SPTAN1: variants seen among roughly 807,000 people sequenced by gnomAD.
The protein encoded by SPTAN1 is spectrin alpha chain, non-erythrocytic 1.
Under a neutral mutation model 331.3 loss-of-function variants are expected in SPTAN1, and 61 were observed. That is an observed-to-expected ratio of 0.18 (90% CI 0.15 to 0.23). SPTAN1 has a LOEUF of 0.23. SPTAN1 is among the 10% of genes least tolerant of loss of function. The probability of loss-of-function intolerance (pLI) is 1.00; values close to 1 mark genes in which losing one functional copy is unlikely to be tolerated. For synonymous variants in SPTAN1, 1,153 were observed against 1,173.9 expected (o/e 0.98, Z 0.36); for missense variants, 2,043 against 3,147.9 (o/e 0.65, Z 8.40).
intron 3 of SPTAN1, 110 bp downstream of exon 3, chr9:128,569,007 A>T (rs1850358291): frequency 6.8e-7 from 1 of 1,480,230 alleles, no homozygotes; most frequent in Non-Finnish European, 9.3e-7. Flanking sequence ...TCCAGCTTTT[A>T]AAAGAATTTA....
rs1289353543 is a variant in SPTAN1 at position 128,633,628 on chromosome 9, A to T, written c.*294A>T. On this transcript the variant is annotated 3_prime_UTR_variant, in exon 57 of 57. Transcript: ENST00000372739. ...CCCACCCTCCCCCAAATCTGTTTTC[A>T]TGTAAAAGACAAATAAATGATGACT... 6.1e-6 allele frequency: 8 copies of T among 1,311,752 alleles called. No individual in the cohort carries two copies. Among genetic ancestry groups the T allele is most frequent in the Non-Finnish European group, 8.4e-6 (8 of 952,028 alleles). 81.3% of individuals were successfully genotyped at this position (1,311,752 alleles called of 1,614,324 possible).
At chr9:128,588,347 T>A (rs1221382002) in intron 20 of SPTAN1, among the ~76,000 whole-genome samples, 4 of 141,010 alleles carry the variant, frequency 2.8e-5, no homozygotes, top group Non-Finnish European at 6.1e-5. Flanking sequence ...GTTTCACTCT[T>A]GTTGCCCAGG....
At chr9:128,621,107 C>T (rs1034756998) in intron 44 of SPTAN1, 51 bp from the exon 45 acceptor site, 2 of 1,555,828 alleles carry the variant, frequency 1.3e-6, no homozygotes, top group African/African-American at 2.7e-5. Flanking sequence ...GGGCCTAGCC[C>T]ACAACACATA....
rs548615710 is a variant in SPTAN1 at position 128,599,118 on chromosome 9, T to C, written c.3543+132T>C. The C allele has an allele frequency of 2.3e-5, 21 of 910,534 alleles. No individual in the cohort carries two copies. The African/African-American group carries it at 3.1e-4, about 13-fold the overall frequency. The allele number at this position is 910,534 out of a possible 1,614,324, so 56.4% of individuals were successfully genotyped here. A position where few individuals can be genotyped will look rare whatever the true frequency, so the allele number is the denominator to read the frequency against. ...CAGATGCCTTTTGTGTGTAAAGATTTGTGGAAAACTCCAAAAATTGATTTC... is the reference window on the plus strand; with the variant it reads ...CAGATGCCTTTTGTGTGTAAAGATTCGTGGAAAACTCCAAAAATTGATTTC... On this transcript the variant is annotated intron_variant, in intron 26 of 56. Coordinates refer to ENST00000372739, the MANE Select transcript of SPTAN1 (RefSeq NM_001130438.3).
Position 128,583,085 on chromosome 9 carries a change from CAACCT to C in SPTAN1, c.1817_1821del (p.Asn606ThrfsTer11). ...CCTTCTTTTATTCACAGGATCCATC[CAACCT>C]ACAAGGAAAAGTACAGAAGCATCAG... On this transcript the variant is annotated frameshift_variant, in exon 15 of 57. Coordinates refer to ENST00000372739, the MANE Select transcript of SPTAN1 (RefSeq NM_001130438.3). LOFTEE classifies it high-confidence loss of function. The C allele has an allele frequency of 6.2e-7, 1 of 1,614,120 alleles. No individual in the cohort carries two copies. Among genetic ancestry groups the C allele is most frequent in the Non-Finnish European group, 8.5e-7 (1 of 1,180,048 alleles).
intron 46 of SPTAN1, chr9:128,624,877 A>G (rs1465208704): frequency 8.1e-6 from 5 of 618,072 alleles, no homozygotes; most frequent in Non-Finnish European, 1.2e-5. Flanking sequence ...GGGTAGTAGT[A>G]ATAGCAACTG....
rs898393335 is a variant in SPTAN1 at position 128,606,738 on chromosome 9, G to A, written c.4047-866G>A. The stretch of plus-strand genomic sequence containing the variant: ...TGACCTCAGGTGATCCACCCACCTC[G>A]GCCTCCCAAAGTGCTGGGATTACAG... On this transcript the variant is annotated intron_variant, in intron 31 of 56. Transcript: ENST00000372739. 3.3e-5 allele frequency among the ~76,000 whole-genome samples: 5 copies of A among 151,824 alleles called. No homozygotes were observed. In the East Asian group the frequency reaches 5.8e-4, roughly 18 times the overall value.
At chr9:128,584,214 C>A in intron 16 of SPTAN1, 68 bp from the exon 17 acceptor site, 1 of 1,609,924 alleles carries the variant, frequency 6.2e-7, no homozygotes, top group Non-Finnish European at 8.5e-7. Flanking sequence ...AAGACCTTAT[C>A]AATTTTTCTC....
chr9:128,632,770 G>A (rs1270760580), intron 55 of SPTAN1, 38 bp from the exon 56 acceptor site: 1 of 1,613,972 alleles, frequency 6.2e-7, no homozygotes, highest in Non-Finnish European at 8.5e-7. Context: ...GCACCCACCT[G>A]CCCTCCCTGC....
rs1233306733 is a variant in SPTAN1, at chr9:128,614,979, A to G, written c.5149-653A>G. ...TCTATATGTTGACACATGTGATTATATGATATCAAAACATTGCAGTTAATA... is the reference window on the plus strand; with the variant it reads ...TCTATATGTTGACACATGTGATTATGTGATATCAAAACATTGCAGTTAATA... On this transcript the variant is annotated intron_variant, in intron 40 of 56. Coordinates refer to ENST00000372739, the MANE Select transcript of SPTAN1 (RefSeq NM_001130438.3). Among the ~76,000 whole-genome samples the G allele has an allele frequency of 2.0e-5, 3 of 152,202 alleles. No individual in the cohort carries two copies. The East Asian group carries it at 5.8e-4, about 29-fold the overall frequency.
chr9:128,556,570 A>T (rs148306403), intron 1 of SPTAN1, among the ~76,000 whole-genome samples: 1 of 152,350 alleles, frequency 6.6e-6, no homozygotes, highest in East Asian at 1.9e-4. Flanking sequence ...AATCAGAAGT[A>T]AGTTTTCTCA....
chr9:128,607,841 C>A lies in SPTAN1; in HGVS notation c.4147-11C>A. 1 of 1,613,874 alleles carries A rather than the reference C, an allele frequency of 6.2e-7. No homozygotes were observed. Among genetic ancestry groups the A allele is most frequent in the Admixed American group, 1.7e-5 (1 of 60,010 alleles). On this transcript the variant is annotated splice_polypyrimidine_tract_variant and intron_variant, in intron 32 of 56. Transcript: ENST00000372739. ...CTGCCAGTTACCTAATCCCTTCCCT[C>A]CTTTTGGCAGGAACACCGGACAGAA...
At chr9:128,570,330 ATTTTTTTTTTT>A (rs541960678) in intron 3 of SPTAN1, among the ~76,000 whole-genome samples, 25,728 of 71,092 alleles carry the variant, frequency 0.36, 3,402 homozygotes, top group South Asian at 0.44. Flanking sequence ...ATATATATAT[ATTTTTTTTTTT>A]TTTTTTTTTT....
At position 128,625,534 on chromosome 9, in the gene SPTAN1, T is replaced by C. The variant is rs368833096; in HGVS notation, c.6070-235T>C. 6.6e-6 allele frequency among the ~76,000 whole-genome samples: 1 copy of C among 151,910 alleles called. No homozygotes were observed. The highest frequency in any genetic ancestry group is 1.9e-4 in the East Asian group (1 of 5,178). On this transcript the variant is annotated intron_variant, in intron 47 of 56. Transcript: ENST00000372739. The surrounding 1 kb of genome is among the most constrained non-coding windows in gnomAD (Gnocchi z 4.1). Reference sequence around the variant, plus strand: ...GTGTTCTGGGCAGAGCTGGCAGGGATCCCTGGGGCGGGAGAGCGGAAGGCT... The same window carrying C: ...GTGTTCTGGGCAGAGCTGGCAGGGACCCCTGGGGCGGGAGAGCGGAAGGCT...
At position 128,587,586 on chromosome 9, in the gene SPTAN1, A is replaced by C. The variant is rs768426112; in HGVS notation, c.2779-20A>C. 11 of 1,610,866 alleles carry C rather than the reference A, an allele frequency of 6.8e-6. No homozygotes were observed. In the African/African-American group the frequency reaches 1.2e-4, roughly 18 times the overall value. On this transcript the variant is annotated intron_variant, in intron 19 of 56. Coordinates refer to ENST00000372739, the MANE Select transcript of SPTAN1 (RefSeq NM_001130438.3). ...GGCTTCAGCCCCTGCACAGTGCTCC[A>C]TGTGTGGTTTTGGTTTCAGGCTCTA...
At chr9:128,612,498 A>G (rs1251298577) in intron 39 of SPTAN1, among the ~76,000 whole-genome samples, 1 of 152,208 alleles carries the variant, frequency 6.6e-6, no homozygotes, top group East Asian at 1.9e-4. Context: ...ATAGGAAGAG[A>G]TTATGGGTAG....
At chr9:128,583,312 C>T in intron 15 of SPTAN1, 31 bp downstream of exon 15, 1 of 1,604,666 alleles carries the variant, frequency 6.2e-7, no homozygotes, top group Non-Finnish European at 8.5e-7. Context: ...TTGTGACATG[C>T]ATGTTTGGGG....
chr9:128,624,284 C>T (rs768470278), intron 45 of SPTAN1, 44 bp from the exon 46 acceptor site: 15 of 1,612,486 alleles, frequency 9.3e-6, no homozygotes, highest in Admixed American at 1.7e-5. Flanking sequence ...CAGGTAACCA[C>T]AGCAGGTAAG....
In SPTAN1 at chr9:128,599,480, T is replaced by TG. The variant is rs199629769; in HGVS notation, c.3543+496dup. The TG allele has an allele frequency of 3.4e-3, 530 of 154,508 alleles. 3 individuals carry two copies. The highest frequency in any genetic ancestry group is 0.013 in the African/African-American group (422 of 33,224). The allele number at this position is 154,508 out of a possible 1,614,324, so 9.6% of individuals were successfully genotyped here. On this transcript the variant is annotated intron_variant, in intron 26 of 56. Transcript: ENST00000372739. ...CCATTCTCCAAAAGACAAAAAAAGT[T>TG]GGTTTTTTTTTTTTTCGGTCTTTTG... is the stretch of plus-strand genomic sequence containing the variant.
Sources: gnomAD v4.1 joint callset for allele counts (sites outside exome capture counted in the v4.1 genomes callset) on GRCh38, gnomAD v4.1.1 for gene constraint, Gnocchi (gnomAD v3.1) non-coding constraint, MANE v1.5 for transcripts, NCBI Gene and HGNC (gene_info 2026-07-23, HGNC 2026-07-21) for gene names.